MCM10: variants seen among roughly 807,000 people sequenced by gnomAD.
The protein encoded by MCM10 is protein MCM10 homolog.
Under a neutral mutation model 109.9 loss-of-function variants are expected in MCM10, and 91 were observed. That is an observed-to-expected ratio of 0.83 (90% CI 0.70 to 0.99). The LOEUF (loss-of-function observed/expected upper bound fraction) is 0.99. Ranked by LOEUF, MCM10 falls within the 50% of genes least tolerant of loss-of-function variation. The probability of loss-of-function intolerance (pLI) is 0.00; values close to 1 mark genes in which losing one functional copy is unlikely to be tolerated. For synonymous variants in MCM10, 380 were observed against 387.2 expected, an observed-to-expected ratio of 0.98 and a Z score of 0.22; for missense variants, 1,077 against 1,061.2, an observed-to-expected ratio of 1.01 and a Z score of -0.21.
intron 1 of MCM10, among the ~76,000 whole-genome samples, chr10:13,163,320 G>C (rs1833952455): frequency 6.6e-6 from 1 of 152,150 alleles, no homozygotes; most frequent in Non-Finnish European, 1.5e-5. Flanking sequence ...CCCAGCGACA[G>C]AGCGAGATCC....
chr10:13,178,987 A>G (rs1834175891), intron 6 of MCM10, among the ~76,000 whole-genome samples: 1 of 151,996 alleles, frequency 6.6e-6, no homozygotes, highest in African/African-American at 2.4e-5. Flanking sequence ...TACTTTCTTG[A>G]TTTCTTTTTC....
intron 13 of MCM10, among the ~76,000 whole-genome samples, chr10:13,194,162 G>T (rs569936766): frequency 2.0e-5 from 3 of 152,146 alleles, no homozygotes; most frequent in Admixed American, 1.3e-4. Flanking sequence ...CCAGGAGTTT[G>T]AGACCAACCT....
chr10:13,197,507 A>G (rs982958843), intron 14 of MCM10, 116 bp from the exon 15 acceptor site: 4 of 877,414 alleles, frequency 4.6e-6, no homozygotes, highest in South Asian at 1.8e-5. Flanking sequence ...TGTTCTGCCA[A>G]TTTCTGTCAG....
chr10:13,195,387 G>A (rs1834404023), intron 14 of MCM10, 118 bp downstream of exon 14: 1 of 760,178 alleles, frequency 1.3e-6, no homozygotes, highest in Admixed American at 2.9e-5. Context: ...AGTGTAATTT[G>A]AAAACATGGT....
intron 14 of MCM10, among the ~76,000 whole-genome samples, chr10:13,197,016 C>T (rs1834430325): frequency 6.6e-6 from 1 of 151,600 alleles, no homozygotes; most frequent in Non-Finnish European, 1.5e-5. Context: ...CCTCCATCTC[C>T]CTGGGCTCAG....
At chr10:13,197,911 G>C in intron 15 of MCM10, 144 bp downstream of exon 15, 1 of 792,796 alleles carries the variant, frequency 1.3e-6, no homozygotes, top group South Asian at 2.2e-5. Context: ...TCTATGGGTG[G>C]AACTGATTTT....
At chr10:13,205,943 G>A (rs777167729) in intron 18 of MCM10, among the ~76,000 whole-genome samples, 2 of 152,156 alleles carry the variant, frequency 1.3e-5, no homozygotes, top group Non-Finnish European at 2.9e-5. Flanking sequence ...CACCTCTGGA[G>A]CTGGGTTAAG....
chr10:13,165,004 G>GC (rs1200643632), intron 2 of MCM10, among the ~76,000 whole-genome samples: 1 of 152,030 alleles, frequency 6.6e-6, no homozygotes, highest in Non-Finnish European at 1.5e-5. Flanking sequence ...ATTACACTTT[G>GC]CCCTTTAAAA....
intron 2 of MCM10, among the ~76,000 whole-genome samples, chr10:13,168,357 G>A (rs927478467): frequency 1.3e-5 from 2 of 152,190 alleles, no homozygotes; most frequent in African/African-American, 4.8e-5. Context: ...CTGAAGTTTG[G>A]CTACTGGCTT....
intron 2 of MCM10, among the ~76,000 whole-genome samples, chr10:13,169,289 A>G (rs1463163679): frequency 1.3e-5 from 2 of 152,126 alleles, no homozygotes; most frequent in African/African-American, 4.8e-5. Context: ...TTTCTCTGGG[A>G]CCTCTCTGCT....
chr10:13,169,775 G>A (rs1450344762), intron 2 of MCM10, among the ~76,000 whole-genome samples: 1 of 152,146 alleles, frequency 6.6e-6, no homozygotes, highest in Non-Finnish European at 1.5e-5. Flanking sequence ...GTGCGATCTC[G>A]GCTCACTGCA....
chr10:13,206,690 T>A (rs188444576), intron 18 of MCM10, among the ~76,000 whole-genome samples: 2 of 152,192 alleles, frequency 1.3e-5, no homozygotes, highest in Admixed American at 6.5e-5. Flanking sequence ...TTAAAAAAAA[T>A]TCTGTTTATT....
At chr10:13,187,838 A>G (rs571659126) in intron 9 of MCM10, among the ~76,000 whole-genome samples, 18 of 152,194 alleles carry the variant, frequency 1.2e-4, no homozygotes, top group Admixed American at 7.2e-4. Flanking sequence ...CCCCGTGAGA[A>G]TTAGATTCTT....
chr10:13,177,824 T>C (rs1834161787), intron 6 of MCM10, among the ~76,000 whole-genome samples: 1 of 147,258 alleles, frequency 6.8e-6, no homozygotes, highest in South Asian at 2.2e-4. Flanking sequence ...CGCTCCATCC[T>C]GGACAACAGA....
In MCM10 at chr10:13,209,334, C is replaced by T. The variant is rs1371516534; in HGVS notation, c.*24C>T. 2 of 1,583,912 alleles carry T rather than the reference C, an allele frequency of 1.3e-6. No individual in the cohort carries two copies. Among genetic ancestry groups the T allele is most frequent in the Admixed American group, 1.7e-5 (1 of 59,926 alleles). On this transcript the variant is annotated 3_prime_UTR_variant, in exon 20 of 20. Coordinates refer to ENST00000378714, the MANE Select transcript of MCM10 (RefSeq NM_018518.5). ...AACCCGAACTTCAGACATTTTCCCA[C>T]AGACTTCCTGGCCTCCTGTGACTCT...
rs762725717 is a variant in MCM10 at position 13,210,124 on chromosome 10, G to T, written c.*814G>T. The T allele has an allele frequency of 1.3e-5, 2 of 151,782 alleles. No individual in the cohort carries two copies. The highest frequency in any genetic ancestry group is 2.9e-5 in the Non-Finnish European group (2 of 67,996). The allele number at this position is 151,782 out of a possible 1,614,324, so 9.4% of individuals were successfully genotyped here. A position where few individuals can be genotyped will look rare whatever the true frequency, so the allele number is the denominator to read the frequency against. ...GCTGGAGTGCAGTAGTGCGATCGCG[G>T]CACACTGCAGCCTTGGCTTCCCTGG... is the stretch of plus-strand genomic sequence containing the variant. On this transcript the variant is annotated 3_prime_UTR_variant, in exon 20 of 20. Transcript: ENST00000378714.
At chr10:13,166,326 C>T (rs1440362340) in intron 2 of MCM10, among the ~76,000 whole-genome samples, 1 of 152,026 alleles carries the variant, frequency 6.6e-6, no homozygotes, top group Non-Finnish European at 1.5e-5. Context: ...CTGATTACAT[C>T]TATTTTTTCT....
rs544783884 is a variant in MCM10, at chr10:13,198,732, A to G, written c.2163A>G (p.Gln721=). 6.2e-6 allele frequency: 10 copies of G among 1,614,086 alleles called. No individual in the cohort carries two copies. The highest frequency in any genetic ancestry group is 1.1e-5 in the South Asian group (1 of 91,084). ...LEPARKKRRE[Q]LAYLESEEFQ... ...CTGCCAGGAAAAAAAGGAGAGAACA[A>G]CTTGCCTATCTGGAATCTGAGGAAT... Residue 721 remains glutamine, a synonymous_variant, in exon 16 of 20, where the codon CAA becomes CAG. Coordinates refer to ENST00000378714, the MANE Select transcript of MCM10 (RefSeq NM_018518.5).
rs1834220512 is a variant in MCM10, at chr10:13,182,412, T to C, written c.931-521T>C. Among the ~76,000 whole-genome samples, 1 of 151,758 alleles carries C rather than the reference T, an allele frequency of 6.6e-6. No individual in the cohort carries two copies. The highest frequency in any genetic ancestry group is 1.5e-5 in the Non-Finnish European group (1 of 67,928). On this transcript the variant is annotated intron_variant, in intron 7 of 19. Coordinates refer to ENST00000378714, the MANE Select transcript of MCM10 (RefSeq NM_018518.5). This position sits in a 1 kb window ranked among gnomAD's most constrained non-coding sequence, Gnocchi z 4.2. Reference sequence around the variant, plus strand: ...GATTCTTTGAGCCCAGGAGTTGGAGTGAGCAACGGGACATGATTGCACCAC... The same window carrying C: ...GATTCTTTGAGCCCAGGAGTTGGAGCGAGCAACGGGACATGATTGCACCAC...
Sources: gnomAD v4.1 joint callset for allele counts (sites outside exome capture counted in the v4.1 genomes callset) on GRCh38, gnomAD v4.1.1 for gene constraint, Gnocchi (gnomAD v3.1) non-coding constraint, MANE v1.5 for transcripts, NCBI Gene and HGNC (gene_info 2026-07-23, HGNC 2026-07-21) for gene names.